The following GMDS variants were observed in gnomAD, a reference collection of about 807,000 sequenced individuals.
GMDS encodes the protein GDP-mannose 4,6 dehydratase.
A neutral mutation model predicts 49.9 loss-of-function variants in GMDS; 20 were observed. The ratio of observed to expected loss-of-function variants is 0.40; its 90% confidence interval spans 0.28 to 0.58. GMDS has a LOEUF of 0.58. Ranked by LOEUF, GMDS falls within the 20% of genes least tolerant of loss-of-function variation. The pLI is 0.42. For missense variants in GMDS, 362 were observed against 481.4 expected (o/e 0.75, Z 2.32); for synonymous variants, 177 against 178.6 (o/e 0.99, Z 0.07).
intron 6 of GMDS, among the ~76,000 whole-genome samples, chr6:1,956,243 G>A (rs1763631653): frequency 6.6e-6 from 1 of 152,108 alleles, no homozygotes; most frequent in Non-Finnish European, 1.5e-5. Flanking sequence ...AATATTTTAG[G>A]CTCTGCACAC....
intron 4 of GMDS, among the ~76,000 whole-genome samples, chr6:2,062,217 G>T (rs1016974436): frequency 2.0e-5 from 3 of 152,148 alleles, no homozygotes; most frequent in Admixed American, 2.0e-4. Flanking sequence ...GCATCTACCT[G>T]AGGCGCTGGA....
chr6:1,870,100 G>A (rs905023766), intron 7 of GMDS, among the ~76,000 whole-genome samples: 6 of 152,232 alleles, frequency 3.9e-5, no homozygotes, highest in African/African-American at 1.2e-4. Flanking sequence ...GAGCCACACA[G>A]GGCTGGCGTC....
chr6:1,999,049 T>C (rs917817882), intron 4 of GMDS, among the ~76,000 whole-genome samples: 6 of 151,992 alleles, frequency 3.9e-5, no homozygotes, highest in Non-Finnish European at 5.9e-5. Flanking sequence ...ATAGGCCAGG[T>C]GCGGTGGCTC....
intron 4 of GMDS, among the ~76,000 whole-genome samples, chr6:2,042,974 T>TCC (rs1422175898): frequency 6.6e-6 from 1 of 152,180 alleles, no homozygotes; most frequent in Non-Finnish European, 1.5e-5. Context: ...TTTCTAAAGT[T>TCC]CCCTTGGTTC....
intron 7 of GMDS, among the ~76,000 whole-genome samples, chr6:1,772,025 G>A (rs1247640520): frequency 2.6e-5 from 4 of 152,148 alleles, no homozygotes; most frequent in African/African-American, 9.7e-5. Flanking sequence ...CCCTGTGAGC[G>A]GAAACCTGTA....
At chr6:2,108,492 G>A (rs1384621048) in intron 4 of GMDS, among the ~76,000 whole-genome samples, 1 of 152,064 alleles carries the variant, frequency 6.6e-6, no homozygotes, top group East Asian at 1.9e-4. Flanking sequence ...TTTTATGTTA[G>A]TATCACTGAT....
chr6:1,649,930 T>C (rs1287371333), intron 9 of GMDS, among the ~76,000 whole-genome samples: 1 of 152,168 alleles, frequency 6.6e-6, no homozygotes, highest in East Asian at 1.9e-4. Context: ...AGAGAGGCCT[T>C]GAAAGAGCAG....
intron 9 of GMDS, among the ~76,000 whole-genome samples, chr6:1,709,261 C>A (rs1765857587): frequency 6.6e-6 from 1 of 152,214 alleles, no homozygotes; most frequent in Non-Finnish European, 1.5e-5. Context: ...GTGCTTAGAG[C>A]AGCTGTCCTT....
intron 7 of GMDS, among the ~76,000 whole-genome samples, chr6:1,826,221 T>C (rs1013994470): frequency 6.6e-6 from 1 of 152,210 alleles, no homozygotes; most frequent in Non-Finnish European, 1.5e-5. Flanking sequence ...AATTGTGCTA[T>C]GATGTTTGGA....
At chr6:1,977,446 T>C (rs972666263) in intron 4 of GMDS, among the ~76,000 whole-genome samples, 1 of 152,104 alleles carries the variant, frequency 6.6e-6, no homozygotes, top group Non-Finnish European at 1.5e-5. Context: ...CAACATTCAA[T>C]GTTCAATTCA....
At position 1,916,674 on chromosome 6, in the gene GMDS, TGAGAGCACAATA is replaced by T. The variant is rs3839604; in HGVS notation, c.771+13417_771+13428del. Among the ~76,000 whole-genome samples, 125 of 152,280 alleles carry T rather than the reference TGAGAGCACAATA, an allele frequency of 8.2e-4. 3 individuals carry two copies. The East Asian group carries it at 0.02, about 25-fold the overall frequency. On this transcript the variant is annotated intron_variant, in intron 7 of 10. Transcript: ENST00000380815. ...TGAGCCCCACTGGACTGCTAACATTTGAGAGCACAATACCACGCGCAATTAAACAAGCAAACC... is the reference window on the plus strand; with the variant it reads ...TGAGCCCCACTGGACTGCTAACATTTCCACGCGCAATTAAACAAGCAAACC...
chr6:2,041,773 C>T (rs180845796), intron 4 of GMDS, among the ~76,000 whole-genome samples: 5 of 152,196 alleles, frequency 3.3e-5, no homozygotes, highest in African/African-American at 9.6e-5. Flanking sequence ...TGTAAAAACA[C>T]ATAAATTTGG....
At chr6:1,904,089 G>A (rs1022970698) in intron 7 of GMDS, among the ~76,000 whole-genome samples, 10 of 152,178 alleles carry the variant, frequency 6.6e-5, no homozygotes, top group African/African-American at 1.7e-4. Flanking sequence ...TGTTGAGCAC[G>A]TGATGTCAGG....
intron 6 of GMDS, among the ~76,000 whole-genome samples, chr6:1,941,255 G>A (rs1762813006): frequency 6.6e-6 from 1 of 151,980 alleles, no homozygotes; most frequent in South Asian, 2.1e-4. Context: ...ACACATTTGG[G>A]AACTATTTAT....
chr6:2,197,703 A>G (rs1307509679), intron 1 of GMDS, among the ~76,000 whole-genome samples: 2 of 152,182 alleles, frequency 1.3e-5, no homozygotes, highest in Non-Finnish European at 2.9e-5. Context: ...TTAACAGGAT[A>G]ATATGGCTTT....
intron 1 of GMDS, among the ~76,000 whole-genome samples, chr6:2,148,862 C>T (rs953622568): frequency 2.6e-5 from 4 of 152,170 alleles, no homozygotes; most frequent in Non-Finnish European, 4.4e-5. Context: ...GCACCATTCA[C>T]GGACATGCAG....
intron 1 of GMDS, among the ~76,000 whole-genome samples, chr6:2,135,781 T>C (rs1226577202): frequency 6.6e-6 from 1 of 152,210 alleles, no homozygotes; most frequent in South Asian, 2.1e-4. Context: ...CAGATAAAGA[T>C]GAATTTTATT....
chr6:1,657,075 T>C (rs914699596), intron 9 of GMDS, among the ~76,000 whole-genome samples: 34 of 152,282 alleles, frequency 2.2e-4, no homozygotes, highest in East Asian at 5.8e-4. Flanking sequence ...AGGGTTTCTT[T>C]TGCCACAGGA....
intron 4 of GMDS, among the ~76,000 whole-genome samples, chr6:2,045,770 A>C (rs1205114729): frequency 1.1e-5 from 1 of 94,510 alleles, no homozygotes; most frequent in Non-Finnish European, 2.6e-5. Context: ...AGCCCCAGTC[A>C]AAAAAAAAAT....
Sources: allele counts gnomAD v4.1 joint callset (sites outside exome capture counted in the v4.1 genomes callset), GRCh38; gene constraint gnomAD v4.1.1; transcripts MANE v1.5; gene names NCBI Gene and HGNC (gene_info 2026-07-23, HGNC 2026-07-21).